The following CRIM1 variants were observed in gnomAD, a reference collection of about 807,000 sequenced individuals.
The protein encoded by CRIM1 is cysteine rich transmembrane BMP regulator 1.
CRIM1 carries 32 observed loss-of-function variants against 116.4 expected under a neutral mutation model. That is an observed-to-expected ratio of 0.27 (90% CI 0.21 to 0.37). The LOEUF is 0.37. Among genes scored for constraint, CRIM1 ranks in the 10% least tolerant of loss-of-function variants. The probability of loss-of-function intolerance (pLI) is 1.00; values close to 1 mark genes in which losing one functional copy is unlikely to be tolerated. For missense variants in CRIM1, 1,331 were observed against 1,354.8 expected (o/e 0.98, Z 0.28); for synonymous variants, 590 against 509.2 (o/e 1.16, Z -2.13).
chr2:36,534,205 GGATGGGAAAGATAA>G (rs1666327667), intron 13 of CRIM1, among the ~76,000 whole-genome samples: 1 of 132,748 alleles, frequency 7.5e-6, no homozygotes, highest in Non-Finnish European at 1.6e-5. Flanking sequence ...AGGGAGAAAA[GGATGGGAAAGATAA>G]GGAAGGAAGG....
intron 7 of CRIM1, among the ~76,000 whole-genome samples, chr2:36,483,334 C>T (rs1256939450): frequency 6.6e-6 from 1 of 152,162 alleles, no homozygotes; most frequent in Non-Finnish European, 1.5e-5. Context: ...AGAATTAGGT[C>T]TTCATCTGCA....
intron 15 of CRIM1, among the ~76,000 whole-genome samples, chr2:36,544,818 G>GT (rs2125189753): frequency 6.6e-6 from 1 of 152,262 alleles, no homozygotes; most frequent in East Asian, 1.9e-4. Context: ...TCTCTCAAAC[G>GT]TATGTATATA....
intron 1 of CRIM1, among the ~76,000 whole-genome samples, chr2:36,362,992 G>T (rs1369502800): frequency 6.6e-6 from 1 of 151,990 alleles, no homozygotes; most frequent in Non-Finnish European, 1.5e-5. Flanking sequence ...GAGGTCAGGA[G>T]TTCAAGACTA....
intron 2 of CRIM1, among the ~76,000 whole-genome samples, chr2:36,440,206 G>A (rs1675692105): frequency 6.6e-6 from 1 of 152,180 alleles, no homozygotes; most frequent in Admixed American, 6.5e-5. Flanking sequence ...TGGGGCCTCA[G>A]ACGTTCTTTA....
At position 36,381,606 on chromosome 2, in the gene CRIM1, A is replaced by G. The variant is rs77630032; in HGVS notation, c.332-15008A>G. On this transcript the variant is annotated intron_variant, in intron 1 of 16. Transcript: ENST00000280527. ...TCTCACTTTAGAAACCAAGTATATT[A>G]GAAAGCGGAAAAGACCCTCCTAAAG... 2.2e-3 allele frequency among the ~76,000 whole-genome samples: 336 copies of G among 152,338 alleles called. 1 individual carries two copies. The highest frequency in any genetic ancestry group is 0.01 in the Middle Eastern group (3 of 294).
At chr2:36,436,460 T>G (rs1329960725) in intron 2 of CRIM1, among the ~76,000 whole-genome samples, 1 of 152,216 alleles carries the variant, frequency 6.6e-6, no homozygotes, top group Non-Finnish European at 1.5e-5. Context: ...TGCCTGCTAG[T>G]CATGAAGTTA....
chr2:36,472,187 T>C (rs1220517729), intron 5 of CRIM1, among the ~76,000 whole-genome samples: 2 of 152,228 alleles, frequency 1.3e-5, no homozygotes, highest in African/African-American at 4.8e-5. Context: ...AAATTATTTC[T>C]TCATAACACT....
intron 1 of CRIM1, among the ~76,000 whole-genome samples, chr2:36,379,496 A>C (rs965070007): frequency 6.6e-6 from 1 of 152,224 alleles, no homozygotes; most frequent in Non-Finnish European, 1.5e-5. Flanking sequence ...CAGCCCTGAC[A>C]ACAGTGCGGC....
At chr2:36,529,573 GACC>G (rs1301851324) in intron 13 of CRIM1, 3 of 168,866 alleles carry the variant, frequency 1.8e-5, no homozygotes, top group African/African-American at 7.1e-5. Flanking sequence ...TATGACATGA[GACC>G]ACATTTAAAG....
At chr2:36,439,552 G>A (rs1030603446) in intron 2 of CRIM1, among the ~76,000 whole-genome samples, 1 of 152,114 alleles carries the variant, frequency 6.6e-6, no homozygotes, top group African/African-American at 2.4e-5. Context: ...CTCTCACTGT[G>A]CCTCAGCCAC....
At chr2:36,476,437 G>C (rs141514091) in intron 5 of CRIM1, among the ~76,000 whole-genome samples, 1 of 152,294 alleles carries the variant, frequency 6.6e-6, no homozygotes, top group African/African-American at 2.4e-5. Flanking sequence ...AAGAATTTAA[G>C]AGAGAGCACT....
intron 13 of CRIM1, among the ~76,000 whole-genome samples, chr2:36,535,416 T>C (rs1368928278): frequency 6.6e-6 from 1 of 152,206 alleles, no homozygotes; most frequent in Non-Finnish European, 1.5e-5. Flanking sequence ...AGCCTCCAAA[T>C]GAGTTTTTAG....
At chr2:36,380,556 A>T (rs1294704862) in intron 1 of CRIM1, among the ~76,000 whole-genome samples, 1 of 152,216 alleles carries the variant, frequency 6.6e-6, no homozygotes, top group East Asian at 1.9e-4. Context: ...CAGAGTCTAC[A>T]GAGTTAAAAC....
chr2:36,383,144 G>T (rs1670910887), intron 1 of CRIM1, among the ~76,000 whole-genome samples: 1 of 152,150 alleles, frequency 6.6e-6, no homozygotes, highest in Non-Finnish European at 1.5e-5. Flanking sequence ...AACTGCATGT[G>T]GGAATACATA....
chr2:36,523,606 C>T (rs989071808), intron 13 of CRIM1, among the ~76,000 whole-genome samples: 7 of 152,190 alleles, frequency 4.6e-5, no homozygotes, highest in Non-Finnish European at 1.0e-4. Flanking sequence ...GACAATGACA[C>T]GTCTTAATCA....
intron 7 of CRIM1, among the ~76,000 whole-genome samples, chr2:36,485,037 C>G (rs1232467189): frequency 1.3e-5 from 2 of 152,144 alleles, no homozygotes; most frequent in Non-Finnish European, 2.9e-5. Flanking sequence ...AAGTTTTCTT[C>G]TTAATAAAAA....
intron 1 of CRIM1, among the ~76,000 whole-genome samples, chr2:36,360,370 T>C (rs2113632): frequency 0.72 from 109,880 of 152,090 alleles, 39,980 homozygotes; most frequent in East Asian, 0.92. Context: ...AATTTTTTTC[T>C]TGGTGACTAT....
Position 36,549,827 on chromosome 2 carries a change from C to T in CRIM1, c.*1126C>T, listed in dbSNP as rs1187966019. On this transcript the variant is annotated 3_prime_UTR_variant, in exon 17 of 17. Transcript: ENST00000280527. ...TTCAAAAAACAAAAGTATTTGTGTGCATGTGTATATAATATATATATATAC... is the reference window on the plus strand; with the variant it reads ...TTCAAAAAACAAAAGTATTTGTGTGTATGTGTATATAATATATATATATAC... 1 of 151,308 alleles carries T rather than the reference C, an allele frequency of 6.6e-6. No individual in the cohort carries two copies. Among genetic ancestry groups the T allele is most frequent in the Non-Finnish European group, 1.5e-5 (1 of 67,800 alleles). 9.4% of individuals were successfully genotyped at this position (151,308 alleles called of 1,614,324 possible).
Position 36,479,618 on chromosome 2 carries a change from C to G in CRIM1, c.1296C>G (p.His432Gln). ...GCCAGTGCGTCAACGGTGAACGCCACTGCGTTGCGACCGTCTGCGGACAGA... is the reference window on the plus strand; with the variant it reads ...GCCAGTGCGTCAACGGTGAACGCCAGTGCGTTGCGACCGTCTGCGGACAGA... ...TFCQCVNGER[H>Q]CVATVCGQTC... is the part of the protein sequence containing the mutation. Residue 432 changes from histidine to glutamine, a missense_variant, in exon 7 of 17, where the codon CAC becomes CAG. Coordinates refer to ENST00000280527, the MANE Select transcript of CRIM1 (RefSeq NM_016441.3). 1.2e-6 allele frequency: 2 copies of G among 1,614,254 alleles called. No individual in the cohort carries two copies. Among genetic ancestry groups the G allele is most frequent in the South Asian group, 2.2e-5 (2 of 91,086 alleles).
Sources: gnomAD v4.1 joint callset for allele counts (sites outside exome capture counted in the v4.1 genomes callset) on GRCh38, gnomAD v4.1.1 for gene constraint, MANE v1.5 for transcripts, NCBI Gene and HGNC (gene_info 2026-07-23, HGNC 2026-07-21) for gene names.